NCS1: variants seen among roughly 807,000 people sequenced by gnomAD.
NCS1 encodes the protein frequenin homolog.
Under a neutral mutation model 28.4 loss-of-function variants are expected in NCS1, and 6 were observed. The ratio of observed to expected loss-of-function variants is 0.21; its 90% CI spans 0.12 to 0.42. NCS1 has a LOEUF of 0.42. Among genes scored for constraint, NCS1 ranks in the 10% least tolerant of loss-of-function variants. The pLI is 1.00. For missense variants in NCS1, 131 were observed against 241.4 expected (o/e 0.54, Z 3.03); for synonymous variants, 86 against 99.3 (o/e 0.87, Z 0.79).
rs1554904776 is a variant in NCS1, at chr9:130,177,911, G to A, written c.64+5184G>A. On this transcript the variant is annotated intron_variant, in intron 1 of 7. Coordinates refer to ENST00000372398, the MANE Select transcript of NCS1 (RefSeq NM_014286.4). The surrounding 1 kb of genome is among the most constrained non-coding windows in gnomAD (Gnocchi z 4.4). ...TCCTTGGGCAAACCTCCTCTCACCG[G>A]CTTCACTTTCCGCCTCTGGAAAATG... Among the ~76,000 whole-genome samples, 1 of 152,252 alleles carries A rather than the reference G, an allele frequency of 6.6e-6. No homozygotes were observed. The highest frequency in any genetic ancestry group is 2.4e-5 in the African/African-American group (1 of 41,472).
In NCS1 at chr9:130,195,158, C is replaced by T. The variant is rs1383861087; in HGVS notation, c.65-5800C>T. ...GCCTGAGTCCCATTTTACAGATGAG[C>T]AAACCAAGGCTCAGAGATGCGGGGT... On this transcript the variant is annotated intron_variant, in intron 1 of 7. Transcript: ENST00000372398. 6.6e-5 allele frequency among the ~76,000 whole-genome samples: 10 copies of T among 152,318 alleles called. No homozygotes were observed. The South Asian group carries it at 1.4e-3, about 22-fold the overall frequency.
chr9:130,197,071 C>T (rs1832885885), intron 1 of NCS1, among the ~76,000 whole-genome samples: 1 of 152,176 alleles, frequency 6.6e-6, no homozygotes, highest in South Asian at 2.1e-4. Context: ...TGTGGTTAGA[C>T]TCAGGTTAAT....
rs188387531 is a variant in NCS1, at chr9:130,209,884, C to T, written c.90-7948C>T. The stretch of plus-strand genomic sequence containing the variant: ...CTTCCCGTGGCTGGGGATCGCAGGC[C>T]CCGTTCTTCACAGCCTGGGCCTGCC... On this transcript the variant is annotated intron_variant, in intron 2 of 7. Coordinates refer to ENST00000372398, the MANE Select transcript of NCS1 (RefSeq NM_014286.4). The surrounding 1 kb of genome is among the most constrained non-coding windows in gnomAD (Gnocchi z 4.4). Among the ~76,000 whole-genome samples, 3 of 152,218 alleles carry T rather than the reference C, an allele frequency of 2.0e-5. No homozygotes were observed. The highest frequency in any genetic ancestry group is 2.0e-4 in the Admixed American group (3 of 15,290).
chr9:130,226,299 A>AG lies in NCS1; in HGVS notation c.475-90_475-89insG. 1 of 1,122,638 alleles carries AG rather than the reference A, an allele frequency of 8.9e-7. No individual in the cohort carries two copies. The highest frequency in any genetic ancestry group is 1.3e-6 in the Non-Finnish European group (1 of 751,900). 69.5% of individuals were successfully genotyped at this position (1,122,638 alleles called of 1,614,324 possible). On this transcript the variant is annotated intron_variant, in intron 6 of 7. Coordinates refer to ENST00000372398, the MANE Select transcript of NCS1 (RefSeq NM_014286.4). This position sits in a 1 kb window ranked among gnomAD's most constrained non-coding sequence, Gnocchi z 4.8. The stretch of plus-strand genomic sequence containing the variant: ...TGCCTCCCTCCTGATCTAACCTTGG[A>AG]AGGGCTCTTGGGACCGGCCCTGGGC...
At chr9:130,231,269 T>G (rs982405097) in intron 7 of NCS1, among the ~76,000 whole-genome samples, 5 of 152,160 alleles carry the variant, frequency 3.3e-5, no homozygotes, top group African/African-American at 9.6e-5. Context: ...GGAGGATTGC[T>G]TGAACCAGGG....
At chr9:130,174,520 G>C (rs538586777) in intron 1 of NCS1, among the ~76,000 whole-genome samples, 1 of 152,304 alleles carries the variant, frequency 6.6e-6, no homozygotes, top group Non-Finnish European at 1.5e-5. Flanking sequence ...AGGCTAGTGA[G>C]AGACTTCAGA....
rs141950523 is a variant in NCS1 at position 130,173,452 on chromosome 9, C to T, written c.64+725C>T. On this transcript the variant is annotated intron_variant, in intron 1 of 7. Transcript: ENST00000372398. ...CTCCAGATCAGCCTCAGTGTGTCTCCCTCCACTTGCCTAACTTCACAACTC... is the reference window on the plus strand; with the variant it reads ...CTCCAGATCAGCCTCAGTGTGTCTCTCTCCACTTGCCTAACTTCACAACTC... Among the ~76,000 whole-genome samples, 1,345 of 152,278 alleles carry T rather than the reference C, an allele frequency of 8.8e-3. 11 individuals are homozygous for T. The highest frequency in any genetic ancestry group is 0.015 in the Non-Finnish European group (1,044 of 68,012).
intron 2 of NCS1, among the ~76,000 whole-genome samples, chr9:130,211,574 G>A (rs1236387262): frequency 1.3e-5 from 2 of 151,692 alleles, no homozygotes; most frequent in African/African-American, 2.4e-5. Context: ...GAGGACTTTC[G>A]GCTTCCACCT....
At position 130,175,931 on chromosome 9, in the gene NCS1, C is replaced by T. The variant is rs1054227651; in HGVS notation, c.64+3204C>T. Among the ~76,000 whole-genome samples the T allele has an allele frequency of 8.5e-5, 13 of 152,254 alleles. No homozygotes were observed. The highest frequency in any genetic ancestry group is 1.2e-4 in the African/African-American group (5 of 41,540). The stretch of plus-strand genomic sequence containing the variant: ...CTGCTGGTGAGGCTGTTGGCTTCCC[C>T]GTGTGTCCCGGCTGTGGGATGGGCC... On this transcript the variant is annotated intron_variant, in intron 1 of 7. Coordinates refer to ENST00000372398, the MANE Select transcript of NCS1 (RefSeq NM_014286.4). The surrounding 1 kb of genome is among the most constrained non-coding windows in gnomAD (Gnocchi z 4.9).
intron 7 of NCS1, among the ~76,000 whole-genome samples, chr9:130,231,033 A>G (rs1328210495): frequency 1.3e-5 from 2 of 151,754 alleles, no homozygotes; most frequent in African/African-American, 4.8e-5. Context: ...AAGTCTACCC[A>G]TTGTAATAGG....
rs1833086212 is a variant in NCS1 at position 130,209,780 on chromosome 9, CT to C, written c.90-8051del. Reference sequence around the variant, plus strand: ...AAGTGTAAGAACGCCGTTGTTGAATCTAGGATTTTCTTTTCTCATCTCTACC... The same window carrying C: ...AAGTGTAAGAACGCCGTTGTTGAATCAGGATTTTCTTTTCTCATCTCTACC... On this transcript the variant is annotated intron_variant, in intron 2 of 7. Transcript: ENST00000372398. This position sits in a 1 kb window ranked among gnomAD's most constrained non-coding sequence, Gnocchi z 4.4. 6.6e-6 allele frequency among the ~76,000 whole-genome samples: 1 copy of C among 152,174 alleles called. No homozygotes were observed. Among genetic ancestry groups the C allele is most frequent in the Non-Finnish European group, 1.5e-5 (1 of 68,034 alleles).
intron 1 of NCS1, among the ~76,000 whole-genome samples, chr9:130,178,877 CTCCCTTCTT>C (rs1554904896): frequency 2.7e-5 from 1 of 36,482 alleles, no homozygotes; most frequent in African/African-American, 8.8e-5. Flanking sequence ...CTCCCCTCCC[CTCCCTTCTT>C]TCCCCTCCCC....
intron 1 of NCS1, among the ~76,000 whole-genome samples, chr9:130,200,251 A>G (rs1554907314): frequency 2.0e-5 from 3 of 152,228 alleles, no homozygotes; most frequent in East Asian, 3.9e-4. Flanking sequence ...TAGAGAGAAC[A>G]TTGATTTGGT....
At chr9:130,194,324 C>T (rs931479848) in intron 1 of NCS1, among the ~76,000 whole-genome samples, 2 of 92,556 alleles carry the variant, frequency 2.2e-5, no homozygotes, top group Non-Finnish European at 5.1e-5. Context: ...ACCTCAGGAG[C>T]GCTGCCGGGG....
At chr9:130,218,424 A>G (rs1162920724) in intron 3 of NCS1, among the ~76,000 whole-genome samples, 2 of 152,234 alleles carry the variant, frequency 1.3e-5, no homozygotes, top group African/African-American at 4.8e-5. Context: ...AGAGAGACAT[A>G]TACACATATG....
intron 4 of NCS1, among the ~76,000 whole-genome samples, chr9:130,220,673 T>C (rs1833267092): frequency 1.3e-5 from 2 of 151,590 alleles, no homozygotes; most frequent in Non-Finnish European, 2.9e-5. Flanking sequence ...TGGCCAGAAC[T>C]CCCTGCTCAG....
intron 6 of NCS1, among the ~76,000 whole-genome samples, chr9:130,224,836 C>T (rs971682173): frequency 5.3e-5 from 8 of 152,186 alleles, no homozygotes; most frequent in African/African-American, 1.9e-4. Flanking sequence ...ACTAAAATAA[C>T]TTAAATGTAA....
At position 130,219,814 on chromosome 9, in the gene NCS1, C is replaced by G. The variant is rs782432726; in HGVS notation, c.307+11C>G. ...ATGAGAAGCTACGGTGTAAGTCCTGCCCCCTTGGCCCTGTGTGGCAGCAGC... is the reference window on the plus strand; with the variant it reads ...ATGAGAAGCTACGGTGTAAGTCCTGGCCCCTTGGCCCTGTGTGGCAGCAGC... On this transcript the variant is annotated intron_variant, in intron 4 of 7. Coordinates refer to ENST00000372398, the MANE Select transcript of NCS1 (RefSeq NM_014286.4). This position sits in a 1 kb window ranked among gnomAD's most constrained non-coding sequence, Gnocchi z 5.7. 1 of 1,613,894 alleles carries G rather than the reference C, an allele frequency of 6.2e-7. No homozygotes were observed. Among genetic ancestry groups the G allele is most frequent in the South Asian group, 1.1e-5 (1 of 91,080 alleles).
chr9:130,224,593 C>G (rs1833386811), intron 6 of NCS1, among the ~76,000 whole-genome samples: 1 of 151,506 alleles, frequency 6.6e-6, no homozygotes, highest in South Asian at 2.1e-4. Context: ...ACCATAGACA[C>G]TGGAGCCTAC....
Sources: allele counts gnomAD v4.1 joint callset (sites outside exome capture counted in the v4.1 genomes callset), GRCh38; gene constraint gnomAD v4.1.1; non-coding constraint Gnocchi (gnomAD v3.1); transcripts MANE v1.5; gene names NCBI Gene and HGNC (gene_info 2026-07-23, HGNC 2026-07-21).